GRM7: variants seen among roughly 807,000 people sequenced by gnomAD.
The protein encoded by GRM7 is metabotropic glutamate receptor 7.
A neutral mutation model predicts 84.5 loss-of-function variants in GRM7; 35 were observed. The observed-to-expected ratio is 0.41, with a 90% CI of 0.32 to 0.55. The LOEUF (loss-of-function observed/expected upper bound fraction) is 0.55. Among genes scored for constraint, GRM7 ranks in the 20% least tolerant of loss-of-function variants. The pLI is 0.19. For synonymous variants in GRM7, 487 were observed against 455.1 expected (o/e 1.07, Z -0.89); for missense variants, 1,003 against 1,194.6 (o/e 0.84, Z 2.36).
chr3:7,154,503 A>G (rs1018733908), intron 2 of GRM7, among the ~76,000 whole-genome samples: 10 of 152,144 alleles, frequency 6.6e-5, no homozygotes, highest in African/African-American at 2.4e-4. Context: ...AGGGTATGAA[A>G]AGATCTGAAG....
intron 8 of GRM7, among the ~76,000 whole-genome samples, chr3:7,674,791 C>A (rs1700062350): frequency 6.6e-6 from 1 of 152,206 alleles, no homozygotes; most frequent in Non-Finnish European, 1.5e-5. Context: ...TACGCCAGTC[C>A]AGGCACTTGT....
Position 6,861,586 on chromosome 3 carries a change from C to A in GRM7, c.198C>A (p.Pro66=). 1 of 1,608,944 alleles carries A rather than the reference C, an allele frequency of 6.2e-7. No homozygotes were observed. Among genetic ancestry groups the A allele is most frequent in the Non-Finnish European group, 8.5e-7 (1 of 1,177,322 alleles). ...PVHAKGPSGV[P]CGDIKRENGI... is the part of the protein sequence containing the mutation. ...ACGCCAAGGGTCCCAGCGGAGTGCC[C>A]TGCGGCGACATCAAGAGGGAAAACG... The change falls in exon 1 of 10, where the codon CCC becomes CCA. Residue 66 remains proline, a synonymous_variant. Transcript: ENST00000357716. This position sits in a 1 kb window ranked among gnomAD's most constrained non-coding sequence, Gnocchi z 6.4.
At chr3:7,607,750 T>TTTTTTTTTC (rs1553624015) in intron 8 of GRM7, 1 of 148,254 alleles carries the variant, frequency 6.7e-6, no homozygotes, top group African/African-American at 2.5e-5. Flanking sequence ...TTTTTTTTTT[T>TTTTTTTTTC]AGGTTTGGGG....
intron 7 of GRM7, among the ~76,000 whole-genome samples, chr3:7,465,888 C>T (rs903498090): frequency 6.6e-6 from 1 of 152,120 alleles, no homozygotes; most frequent in Non-Finnish European, 1.5e-5. Context: ...AAGTGCTTAG[C>T]AGTGTGCTGT....
At chr3:7,236,114 G>A (rs1366231591) in intron 2 of GRM7, among the ~76,000 whole-genome samples, 1 of 152,106 alleles carries the variant, frequency 6.6e-6, no homozygotes, top group African/African-American at 2.4e-5. Flanking sequence ...CCCTCCTCAA[G>A]TCCTTTTATA....
In GRM7 at chr3:7,259,953, G is replaced by GTTTTTTTTTTTTTTTTTTTTTTTTTTT. The variant is rs1164961076; in HGVS notation, c.737-38719_737-38718insTTTTTTTTTTTTTTTTTTTTTTTTTTT. Among the ~76,000 whole-genome samples, 4 of 89,658 alleles carry GTTTTTTTTTTTTTTTTTTTTTTTTTTT rather than the reference G, an allele frequency of 4.5e-5. 1 individual carries two copies. Among genetic ancestry groups the GTTTTTTTTTTTTTTTTTTTTTTTTTTT allele is most frequent in the East Asian group, 3.4e-4 (1 of 2,916 alleles). 58.8% of individuals were successfully genotyped at this position (89,658 alleles called of 152,430 possible). ...TTTCTCTGCAACCTTACCAGCATCTGTTTTTTTTTTTTGACGTTTTAATAA... is the reference window on the plus strand; with the variant it reads ...TTTCTCTGCAACCTTACCAGCATCTGTTTTTTTTTTTTTTTTTTTTTTTTTTTTTTTTTTTTTTTGACGTTTTAATAA... On this transcript the variant is annotated intron_variant, in intron 2 of 9. Coordinates refer to ENST00000357716, the MANE Select transcript of GRM7 (RefSeq NM_000844.4).
At chr3:7,082,759 T>C (rs143536642) in intron 1 of GRM7, among the ~76,000 whole-genome samples, 82 of 152,162 alleles carry the variant, frequency 5.4e-4, no homozygotes, top group African/African-American at 1.9e-3. Flanking sequence ...TTGGAAGAAA[T>C]TGATTCCAAC....
intron 8 of GRM7, among the ~76,000 whole-genome samples, chr3:7,598,020 C>T (rs532102264): frequency 3.9e-5 from 6 of 152,218 alleles, no homozygotes; most frequent in East Asian, 1.9e-4. Flanking sequence ...CTCAGGAAGA[C>T]AAAAGGACCA....
intron 1 of GRM7, among the ~76,000 whole-genome samples, chr3:6,992,281 T>C (rs1163965137): frequency 4.6e-5 from 7 of 152,236 alleles, no homozygotes; most frequent in Non-Finnish European, 8.8e-5. Context: ...TAAACCAGCC[T>C]GTGCTTTGAT....
At chr3:6,923,821 T>C (rs751947512) in intron 1 of GRM7, among the ~76,000 whole-genome samples, 1 of 152,204 alleles carries the variant, frequency 6.6e-6, no homozygotes, top group African/African-American at 2.4e-5. Context: ...TAAATGCAGC[T>C]GACTAAACCT....
At position 6,983,832 on chromosome 3, in the gene GRM7, G is replaced by T. The variant is rs544060185; in HGVS notation, c.519+121925G>T. ...TTTTTTTGTTTTCAGTGTTCTGAGT[G>T]CCAAAATATTAATAGATCTTACTAA... On this transcript the variant is annotated intron_variant, in intron 1 of 9. Transcript: ENST00000357716. Among the ~76,000 whole-genome samples the T allele has an allele frequency of 3.8e-4, 58 of 151,164 alleles. No homozygotes were observed. The South Asian group carries it at 4.8e-3, about 12-fold the overall frequency.
intron 1 of GRM7, among the ~76,000 whole-genome samples, chr3:6,962,647 C>T (rs1375770453): frequency 6.6e-6 from 1 of 152,154 alleles, no homozygotes; most frequent in Admixed American, 6.5e-5. Context: ...TGACAAGGTT[C>T]AGTTAGTGTA....
chr3:7,034,748 A>G (rs1283877032), intron 1 of GRM7, among the ~76,000 whole-genome samples: 1 of 152,234 alleles, frequency 6.6e-6, no homozygotes, highest in Non-Finnish European at 1.5e-5. Context: ...AACCCAAAGC[A>G]GTTAAAGGGT....
chr3:7,341,372 TG>T (rs367933588), intron 4 of GRM7, among the ~76,000 whole-genome samples: 9,053 of 103,146 alleles, frequency 0.088, 285 homozygotes, highest in African/African-American at 0.16. Context: ...ATTCAACTCA[TG>T]TTTTTTTTTT....
At chr3:7,564,820 G>C (rs550398303) in intron 7 of GRM7, among the ~76,000 whole-genome samples, 142 of 152,250 alleles carry the variant, frequency 9.3e-4, no homozygotes, top group African/African-American at 3.3e-3. Context: ...GATGAAGCCA[G>C]GCTTTGAACC....
intron 8 of GRM7, among the ~76,000 whole-genome samples, chr3:7,635,655 A>C (rs992457401): frequency 1.2e-4 from 18 of 152,188 alleles, no homozygotes; most frequent in African/African-American, 4.3e-4. Context: ...GCCAAAGCCA[A>C]AGTGGCTGCA....
chr3:7,629,067 T>C (rs1052508372), intron 8 of GRM7, among the ~76,000 whole-genome samples: 1 of 152,188 alleles, frequency 6.6e-6, no homozygotes, highest in Non-Finnish European at 1.5e-5. Flanking sequence ...GGTAATATTA[T>C]TTATGAAGGC....
intron 1 of GRM7, among the ~76,000 whole-genome samples, chr3:7,114,610 G>A (rs926280967): frequency 2.0e-5 from 3 of 152,014 alleles, no homozygotes. Flanking sequence ...TGAAATAAAC[G>A]CACAGGTCCA....
At chr3:7,452,986 A>G (rs1007203033) in intron 6 of GRM7, among the ~76,000 whole-genome samples, 179 bp downstream of exon 6, 14 of 151,460 alleles carry the variant, frequency 9.2e-5, no homozygotes, top group African/African-American at 2.9e-4. Context: ...GAGTTAAGAT[A>G]TATTTGGGGG....
Sources: gnomAD v4.1 joint callset for allele counts (sites outside exome capture counted in the v4.1 genomes callset) on GRCh38, gnomAD v4.1.1 for gene constraint, Gnocchi (gnomAD v3.1) non-coding constraint, MANE v1.5 for transcripts, NCBI Gene and HGNC (gene_info 2026-07-23, HGNC 2026-07-21) for gene names.